HTRA3: variants seen among roughly 807,000 people sequenced by gnomAD.
HTRA3 encodes the protein serine protease HTRA3.
A neutral mutation model predicts 43.2 loss-of-function variants in HTRA3; 41 were observed. The observed-to-expected ratio is 0.95, with a 90% CI of 0.74 to 1.23. The LOEUF is 1.23. Among genes scored for constraint, HTRA3 ranks in the 50% most tolerant of loss-of-function variants. HTRA3 has a pLI of 0.00. For synonymous variants in HTRA3, 295 were observed against 287.9 expected (o/e 1.02, Z -0.25); for missense variants, 628 against 647.1 (o/e 0.97, Z 0.32).
intron 3 of HTRA3, among the ~76,000 whole-genome samples, chr4:8,288,895 G>GTCCT (rs1560138802): frequency 3.1e-5 from 3 of 98,020 alleles, no homozygotes; most frequent in Non-Finnish European, 4.4e-5. Flanking sequence ...CCTTCCTTCC[G>GTCCT]TCCGTCCTTC....
intron 1 of HTRA3, among the ~76,000 whole-genome samples, chr4:8,272,881 G>A (rs55954316): frequency 0.34 from 52,069 of 152,168 alleles, 10,198 homozygotes; most frequent in Non-Finnish European, 0.44. Context: ...TCTCCAGGGC[G>A]CCGTTCACAC....
intron 6 of HTRA3, among the ~76,000 whole-genome samples, chr4:8,301,257 AT>A (rs1713645657): frequency 6.7e-6 from 1 of 149,158 alleles, no homozygotes; most frequent in South Asian, 2.1e-4. Flanking sequence ...ACTCAGCTTT[AT>A]TGATTCACAC....
At chr4:8,276,288 C>G (rs778418915) in intron 1 of HTRA3, among the ~76,000 whole-genome samples, 3 of 152,248 alleles carry the variant, frequency 2.0e-5, no homozygotes, top group Non-Finnish European at 4.4e-5. Flanking sequence ...AAATGGATAA[C>G]AGTGGGACCC....
rs749090960 is a variant in HTRA3 at position 8,291,496 on chromosome 4, C to T, written c.835C>T (p.Arg279Trp). ...AACGGGCATCGTCAGCACTGCCCAG[C>T]GGGAGGGCAGGGAGCTGGGCCTCCG... ...VTTGIVSTAQ[R>W]EGRELGLRDS... The change falls in exon 4 of 9, where the codon CGG becomes TGG. Residue 279 changes from arginine (R) to tryptophan (W), a missense_variant. Arg to Trp is a moderately radical substitution (Grantham distance 101, BLOSUM62 -3). Transcript: ENST00000307358. 7 of 1,612,736 alleles carry T rather than the reference C, an allele frequency of 4.3e-6. No individual in the cohort carries two copies. Among genetic ancestry groups the T allele is most frequent in the East Asian group, 4.5e-5 (2 of 44,878 alleles).
chr4:8,302,542 AC>A (rs1713692716), intron 7 of HTRA3, 31 bp downstream of exon 7: 1 of 1,607,772 alleles, frequency 6.2e-7, no homozygotes, highest in African/African-American at 1.3e-5. Flanking sequence ...ATCCCCTGCT[AC>A]CCCTTCCTCT....
chr4:8,289,216 T>G (rs1172468501), intron 3 of HTRA3, among the ~76,000 whole-genome samples: 1 of 152,108 alleles, frequency 6.6e-6, no homozygotes, highest in East Asian at 1.9e-4. Context: ...TCCCAAAGTG[T>G]TGGGATTACA....
chr4:8,287,358 G>C (rs1713032863), intron 3 of HTRA3, among the ~76,000 whole-genome samples: 1 of 152,208 alleles, frequency 6.6e-6, no homozygotes, highest in African/African-American at 2.4e-5. Context: ...TGGGAGGAAA[G>C]GGCCTGTATG....
chr4:8,289,136 G>C (rs1252363475), intron 3 of HTRA3, among the ~76,000 whole-genome samples: 6 of 151,518 alleles, frequency 4.0e-5, no homozygotes, highest in African/African-American at 1.5e-4. Context: ...TTTTGGTAGA[G>C]ATAGGGTCTC....
At chr4:8,281,441 G>A (rs929581530) in intron 1 of HTRA3, among the ~76,000 whole-genome samples, 17 of 152,362 alleles carry the variant, frequency 1.1e-4, no homozygotes, top group African/African-American at 4.1e-4. Flanking sequence ...AGTTCCCACA[G>A]ATGTGGTAGG....
At chr4:8,287,146 G>A (rs991902214) in intron 3 of HTRA3, among the ~76,000 whole-genome samples, 1 of 152,204 alleles carries the variant, frequency 6.6e-6, no homozygotes, top group African/African-American at 2.4e-5. Flanking sequence ...GGGTTTGGGC[G>A]TGGAGGCCAG....
chr4:8,293,862 G>T (rs551037098), intron 5 of HTRA3, among the ~76,000 whole-genome samples: 2 of 152,244 alleles, frequency 1.3e-5, no homozygotes, highest in African/African-American at 4.8e-5. Flanking sequence ...AGCTTCCCTG[G>T]AAATACTCTC....
At chr4:8,304,316 G>GCA in intron 8 of HTRA3, 37 bp downstream of exon 8, 1 of 1,553,120 alleles carries the variant, frequency 6.4e-7, no homozygotes, top group Non-Finnish European at 8.9e-7. Flanking sequence ...GAGGCATGGG[G>GCA]CAGGCGTGAG....
rs145319724 is a variant in HTRA3, at chr4:8,300,729, T to C, written c.1052-1734T>C. Among the ~76,000 whole-genome samples, 1,002 of 152,282 alleles carry C rather than the reference T, an allele frequency of 6.6e-3. 4 individuals carry two copies. Among genetic ancestry groups the C allele is most frequent in the Non-Finnish European group, 9.4e-3 (637 of 68,020 alleles). The stretch of plus-strand genomic sequence containing the variant: ...GATTTACATTCTTATCTTTATTTCA[T>C]TGATTTACACTCTTCATTGATTCAC... On this transcript the variant is annotated intron_variant, in intron 6 of 8. Transcript: ENST00000307358.
chr4:8,281,671 C>T (rs998020517), intron 1 of HTRA3, among the ~76,000 whole-genome samples: 23 of 152,238 alleles, frequency 1.5e-4, no homozygotes, highest in Non-Finnish European at 2.8e-4. Context: ...GGCACAGGCC[C>T]GTGCAGGGAA....
In HTRA3 at chr4:8,286,684, G is replaced by A. The variant is rs759487329; in HGVS notation, c.609G>A (p.Gln203=). The change falls in exon 3 of 9, where the codon CAG becomes CAA. Residue 203 remains glutamine, a synonymous_variant. Transcript: ENST00000307358. This position sits in a 1 kb window ranked among gnomAD's most constrained non-coding sequence, Gnocchi z 4.9. ...GCAACAGTGCTGCCCCGGGCAGGCAGCAGCTCAAGGTGCAGCTACAGAATG... is the reference window on the plus strand; with the variant it reads ...GCAACAGTGCTGCCCCGGGCAGGCAACAGCTCAAGGTGCAGCTACAGAATG... The part of the protein sequence containing the change: ...VSSNSAAPGR[Q]QLKVQLQNGD... The A allele has an allele frequency of 3.7e-6, 6 of 1,614,200 alleles. No individual in the cohort carries two copies. Among genetic ancestry groups the A allele is most frequent in the East Asian group, 2.2e-5 (1 of 44,884 alleles).
intron 1 of HTRA3, among the ~76,000 whole-genome samples, chr4:8,276,256 C>T (rs1712519202): frequency 1.3e-5 from 2 of 152,256 alleles, no homozygotes; most frequent in South Asian, 4.1e-4. Flanking sequence ...AAGCTCTTTG[C>T]ACCTCAGTTT....
chr4:8,306,315 G>T lies in HTRA3; in HGVS notation c.*179G>T. On this transcript the variant is annotated 3_prime_UTR_variant, in exon 9 of 9. Coordinates refer to ENST00000307358, the MANE Select transcript of HTRA3 (RefSeq NM_053044.5). The surrounding 1 kb of genome is among the most constrained non-coding windows in gnomAD (Gnocchi z 8.9). Reference sequence around the variant, plus strand: ...GGGCCCGAATTTCCGCCTGGGGAGTGTTGGATCCACATCCCGGTGCCGGGG... The same window carrying T: ...GGGCCCGAATTTCCGCCTGGGGAGTTTTGGATCCACATCCCGGTGCCGGGG... The T allele has an allele frequency of 1.7e-6, 1 of 603,894 alleles. No homozygotes were observed. Among genetic ancestry groups the T allele is most frequent in the Admixed American group, 3.4e-5 (1 of 29,238 alleles). The allele number at this position is 603,894 out of a possible 1,614,324, so 37.4% of individuals were successfully genotyped here.
At chr4:8,305,001 G>T (rs932572247) in intron 8 of HTRA3, among the ~76,000 whole-genome samples, 4 of 152,168 alleles carry the variant, frequency 2.6e-5, no homozygotes, top group African/African-American at 9.7e-5. Flanking sequence ...TCCAGTACTA[G>T]AGAAATGTTA....
At chr4:8,275,816 C>G (rs985063876) in intron 1 of HTRA3, among the ~76,000 whole-genome samples, 2 of 152,230 alleles carry the variant, frequency 1.3e-5, no homozygotes, top group Admixed American at 1.3e-4. Flanking sequence ...GTTCAGGGAG[C>G]TGTAGGAAGC....
Sources: allele counts gnomAD v4.1 joint callset (sites outside exome capture counted in the v4.1 genomes callset), GRCh38; gene constraint gnomAD v4.1.1; non-coding constraint Gnocchi (gnomAD v3.1); transcripts MANE v1.5; gene names NCBI Gene and HGNC (gene_info 2026-07-23, HGNC 2026-07-21).